Variants in NTRK2 observed in about 807,000 individuals in gnomAD.
NTRK2 encodes neurotrophic receptor tyrosine kinase 2, also known as BDNF/NT-3 growth factors receptor.
In NTRK2, 13 loss-of-function variants were observed where a neutral mutation model predicts 94.5. The ratio of observed to expected loss-of-function variants is 0.14; its 90% CI spans 0.09 to 0.22. The LOEUF is 0.22. Ranked by LOEUF, NTRK2 falls within the 10% of genes least tolerant of loss-of-function variation. The pLI is 1.00. For missense variants in NTRK2, 639 were observed against 1,071.2 expected, an observed-to-expected ratio of 0.60 and a Z score of 5.63; for synonymous variants, 372 against 407.4, an observed-to-expected ratio of 0.91 and a Z score of 1.05.
chr9:84,973,973 T>A (rs2133164447), intron 17 of NTRK2, among the ~76,000 whole-genome samples: 1 of 106,908 alleles, frequency 9.4e-6, no homozygotes, highest in South Asian at 3.4e-4. Flanking sequence ...GTCGACTGTT[T>A]ATGTTTAACC....
At chr9:84,792,849 A>G (rs1306027976) in intron 12 of NTRK2, among the ~76,000 whole-genome samples, 4 of 152,282 alleles carry the variant, frequency 2.6e-5, no homozygotes, top group African/African-American at 4.8e-5. Flanking sequence ...TAGGACCTCA[A>G]TTTTCTCTAG....
At chr9:84,693,756 T>C (rs1317961152) in intron 2 of NTRK2, among the ~76,000 whole-genome samples, 1 of 152,220 alleles carries the variant, frequency 6.6e-6, no homozygotes, top group Non-Finnish European at 1.5e-5. Context: ...AACTGAGGCG[T>C]AGGGACTTGT....
intron 17 of NTRK2, among the ~76,000 whole-genome samples, chr9:84,993,754 C>A (rs948851307): frequency 3.3e-5 from 5 of 152,190 alleles, no homozygotes; most frequent in African/African-American, 9.6e-5. Context: ...GTTTACAGCA[C>A]TCTAGCTATA....
intron 12 of NTRK2, chr9:84,814,632 G>T (rs1452354972): frequency 3.8e-6 from 4 of 1,065,480 alleles, no homozygotes; most frequent in Admixed American, 5.3e-5. Flanking sequence ...GCCTGTTTTG[G>T]TGCTAGCTGT....
intron 15 of NTRK2, among the ~76,000 whole-genome samples, chr9:84,941,328 A>G (rs2078401429): frequency 6.6e-6 from 1 of 152,234 alleles, no homozygotes; most frequent in Non-Finnish European, 1.5e-5. Context: ...TCCTATATCA[A>G]TATACCTTTC....
intron 14 of NTRK2, among the ~76,000 whole-genome samples, chr9:84,916,873 CG>C (rs2077409357): frequency 6.6e-6 from 1 of 152,186 alleles, no homozygotes; most frequent in Non-Finnish European, 1.5e-5. Context: ...CAGTGATTTA[CG>C]GTGACATCTA....
At chr9:84,943,725 C>A (rs2078492414) in intron 15 of NTRK2, among the ~76,000 whole-genome samples, 1 of 152,124 alleles carries the variant, frequency 6.6e-6, no homozygotes, top group African/African-American at 2.4e-5. Context: ...AGGGAACCAG[C>A]CAAGCCTTGC....
intron 17 of NTRK2, among the ~76,000 whole-genome samples, chr9:84,965,060 C>T (rs1032273918): frequency 6.6e-6 from 1 of 152,200 alleles, no homozygotes; most frequent in Non-Finnish European, 1.5e-5. Context: ...TATTCTCCAT[C>T]TCCAGTGAGT....
intron 12 of NTRK2, among the ~76,000 whole-genome samples, chr9:84,774,936 A>T (rs2066892040): frequency 6.6e-6 from 1 of 152,234 alleles, no homozygotes; most frequent in South Asian, 2.1e-4. Context: ...ACAGTGGTGG[A>T]AGGAAAAGGG....
chr9:85,019,058 C>A (rs1346475863), intron 17 of NTRK2, among the ~76,000 whole-genome samples: 1 of 152,186 alleles, frequency 6.6e-6, no homozygotes, highest in South Asian at 2.1e-4. Context: ...CTGGGAATCA[C>A]CAAGCATGTT....
intron 13 of NTRK2, among the ~76,000 whole-genome samples, chr9:84,865,770 G>A (rs2075563430): frequency 6.6e-6 from 1 of 152,152 alleles, no homozygotes; most frequent in Non-Finnish European, 1.5e-5. Flanking sequence ...CTTTCTCTGG[G>A]CTTGTGCCAG....
At chr9:84,973,896 A>G (rs1486760194) in intron 17 of NTRK2, among the ~76,000 whole-genome samples, 1 of 152,236 alleles carries the variant, frequency 6.6e-6, no homozygotes, top group Non-Finnish European at 1.5e-5. Flanking sequence ...TAAAAAAAAC[A>G]AAGATACAGT....
chr9:84,780,042 C>T (rs562453289), intron 12 of NTRK2, among the ~76,000 whole-genome samples: 6 of 151,248 alleles, frequency 4.0e-5, no homozygotes, highest in Non-Finnish European at 5.9e-5. Flanking sequence ...TGGGACTCTG[C>T]GGTTTTTTTT....
At chr9:84,871,856 G>A (rs2075878109) in intron 14 of NTRK2, 1 of 1,613,526 alleles carries the variant, frequency 6.2e-7, no homozygotes, top group Non-Finnish European at 8.5e-7. Flanking sequence ...GTCACTGCAG[G>A]AACTAAAGGA....
chr9:84,745,179 A>C lies in NTRK2; in HGVS notation c.1296+106A>C, dbSNP rs2063957577. 4.2e-6 allele frequency: 3 copies of C among 708,664 alleles called. 1 individual carries two copies. In the Middle Eastern group the frequency reaches 6.8e-4, roughly 162 times the overall value. 43.9% of individuals were successfully genotyped at this position (708,664 alleles called of 1,614,324 possible). A position where few individuals can be genotyped will look rare whatever the true frequency, so the allele number is the denominator to read the frequency against. On this transcript the variant is annotated intron_variant, in intron 11 of 18. Coordinates refer to ENST00000277120, the MANE Select transcript of NTRK2 (RefSeq NM_006180.6). ...AAGACACTTTTATTGTTCAGATATA[A>C]ATAGGGTGTTAACACCTAGGTTGGA...
chr9:84,905,374 G>A (rs1256612412), intron 14 of NTRK2, among the ~76,000 whole-genome samples: 1 of 151,756 alleles, frequency 6.6e-6, no homozygotes, highest in Non-Finnish European at 1.5e-5. Flanking sequence ...AAAGTGCTAG[G>A]CATAACTAAA....
chr9:84,725,093 CG>C (rs2062351192), intron 8 of NTRK2, among the ~76,000 whole-genome samples: 1 of 151,998 alleles, frequency 6.6e-6, no homozygotes, highest in Non-Finnish European at 1.5e-5. Flanking sequence ...TGAGCTGGCA[CG>C]GTATAAATTA....
chr9:84,843,812 A>AATCC (rs1309525050), intron 12 of NTRK2, among the ~76,000 whole-genome samples: 76 of 152,338 alleles, frequency 5.0e-4, no homozygotes, highest in African/African-American at 1.7e-3. Context: ...AGATTGTTAT[A>AATCC]ATCCATGGCT....
intron 14 of NTRK2, among the ~76,000 whole-genome samples, chr9:84,910,708 T>C (rs1324210147): frequency 2.6e-5 from 4 of 152,204 alleles, no homozygotes; most frequent in Non-Finnish European, 5.9e-5. Context: ...TGAGTCTGTT[T>C]GGGTTCTCTC....
Sources: gnomAD v4.1 joint callset for allele counts (sites outside exome capture counted in the v4.1 genomes callset) on GRCh38, gnomAD v4.1.1 for gene constraint, MANE v1.5 for transcripts, NCBI Gene and HGNC (gene_info 2026-07-23, HGNC 2026-07-21) for gene names.